PPP3CA: variants seen among roughly 807,000 people sequenced by gnomAD.
PPP3CA encodes the protein CAM-PRP catalytic subunit.
A neutral mutation model predicts 66.5 loss-of-function variants in PPP3CA; 14 were observed. That is an observed-to-expected ratio of 0.21 (90% CI 0.14 to 0.33). The LOEUF is 0.33. Ranked by LOEUF, PPP3CA falls within the 10% of genes least tolerant of loss-of-function variation. The pLI is 1.00. For missense variants in PPP3CA, 317 were observed against 639.5 expected (o/e 0.50, Z 5.44); for synonymous variants, 232 against 226.2 (o/e 1.03, Z -0.23).
chr4:101,281,390 T>G (rs534208634), intron 1 of PPP3CA, among the ~76,000 whole-genome samples: 1 of 152,238 alleles, frequency 6.6e-6, no homozygotes, highest in South Asian at 2.1e-4. Context: ...CAACAAAGAA[T>G]AGAAAATGCT....
At chr4:101,278,131 A>AT (rs1288238514) in intron 1 of PPP3CA, among the ~76,000 whole-genome samples, 2 of 144,658 alleles carry the variant, frequency 1.4e-5, no homozygotes, top group African/African-American at 5.7e-5. Context: ...GTAAAAAAAA[A>AT]AAAAAAAATA....
intron 3 of PPP3CA, among the ~76,000 whole-genome samples, chr4:101,107,888 T>A (rs1348804279): frequency 6.6e-6 from 1 of 152,224 alleles, no homozygotes; most frequent in Non-Finnish European, 1.5e-5. Context: ...ATTTTCCTTT[T>A]TAATGATCTC....
intron 6 of PPP3CA, among the ~76,000 whole-genome samples, chr4:101,089,408 G>T (rs1397968000): frequency 3.3e-5 from 5 of 152,140 alleles, no homozygotes; most frequent in African/African-American, 9.7e-5. Flanking sequence ...AGAAGAGAAG[G>T]CTGCTGATTT....
intron 1 of PPP3CA, among the ~76,000 whole-genome samples, chr4:101,335,686 A>G (rs6852282): frequency 0.11 from 16,119 of 152,082 alleles, 2,900 homozygotes; most frequent in African/African-American, 0.37. Flanking sequence ...ACCCTCCCAA[A>G]GGGTATCTCG....
At chr4:101,234,412 T>C (rs1260254275) in intron 1 of PPP3CA, among the ~76,000 whole-genome samples, 1 of 151,886 alleles carries the variant, frequency 6.6e-6, no homozygotes, top group Non-Finnish European at 1.5e-5. Context: ...TTTGACTTTT[T>C]AGTTAATAGC....
chr4:101,156,322 G>A (rs547003326), intron 2 of PPP3CA, among the ~76,000 whole-genome samples: 1 of 152,226 alleles, frequency 6.6e-6, no homozygotes, highest in South Asian at 2.1e-4. Context: ...AGAGATTAAA[G>A]AAACAGAATA....
chr4:101,176,751 A>C (rs549406935), intron 2 of PPP3CA, among the ~76,000 whole-genome samples: 1 of 152,270 alleles, frequency 6.6e-6, no homozygotes. Flanking sequence ...ATTAAATTTT[A>C]ATTACTGTGA....
chr4:101,051,413 C>T (rs1728004391), intron 10 of PPP3CA, among the ~76,000 whole-genome samples: 1 of 152,100 alleles, frequency 6.6e-6, no homozygotes. Context: ...AATAAAAGTA[C>T]AATCTTCAAG....
chr4:101,116,781 A>C (rs1721850879), intron 2 of PPP3CA, among the ~76,000 whole-genome samples: 2 of 152,030 alleles, frequency 1.3e-5, no homozygotes, highest in South Asian at 4.1e-4. Context: ...TTTCAAAATA[A>C]TATTTTCCCA....
chr4:101,082,119 C>A (rs934979848), intron 7 of PPP3CA, among the ~76,000 whole-genome samples: 1 of 152,180 alleles, frequency 6.6e-6, no homozygotes, highest in African/African-American at 2.4e-5. Context: ...CCGACTGGAA[C>A]ACAGCCAAAA....
intron 2 of PPP3CA, among the ~76,000 whole-genome samples, chr4:101,182,651 C>T (rs898479075): frequency 1.3e-5 from 2 of 152,076 alleles, no homozygotes; most frequent in Non-Finnish European, 2.9e-5. Flanking sequence ...TGGTAGGATA[C>T]ATAGGTAACA....
intron 2 of PPP3CA, among the ~76,000 whole-genome samples, chr4:101,174,555 T>A (rs1723993334): frequency 1.3e-5 from 2 of 152,222 alleles, no homozygotes; most frequent in African/African-American, 4.8e-5. Context: ...AGAATAACTT[T>A]TAGGATGACA....
intron 6 of PPP3CA, among the ~76,000 whole-genome samples, chr4:101,087,783 T>C (rs548061078): frequency 1.3e-5 from 2 of 152,288 alleles, no homozygotes; most frequent in African/African-American, 2.4e-5. Flanking sequence ...GATGCACTTA[T>C]AGAGACATTT....
chr4:101,221,525 C>A (rs902648933), intron 1 of PPP3CA, among the ~76,000 whole-genome samples: 1 of 151,448 alleles, frequency 6.6e-6, no homozygotes, highest in East Asian at 1.9e-4. Context: ...AAAACAACCA[C>A]AATTCCCAAC....
chr4:101,311,606 C>T (rs1728724110), intron 1 of PPP3CA, among the ~76,000 whole-genome samples: 1 of 152,082 alleles, frequency 6.6e-6, no homozygotes, highest in Non-Finnish European at 1.5e-5. Flanking sequence ...ACGGCGAAAA[C>T]CTGTCTCTAG....
intron 8 of PPP3CA, among the ~76,000 whole-genome samples, chr4:101,067,653 G>GA (rs1302648002): frequency 7.6e-6 from 1 of 130,818 alleles, no homozygotes; most frequent in Non-Finnish European, 1.6e-5. Flanking sequence ...GACAAGAGTA[G>GA]AAAGGCCTGT....
At chr4:101,113,099 T>G (rs984115777) in intron 2 of PPP3CA, among the ~76,000 whole-genome samples, 6 of 152,158 alleles carry the variant, frequency 3.9e-5, no homozygotes, top group Non-Finnish European at 8.8e-5. Context: ...AGATTGTGCT[T>G]ATTTTAAGCC....
intron 10 of PPP3CA, among the ~76,000 whole-genome samples, chr4:101,053,312 G>C (rs1240127392): frequency 6.6e-6 from 1 of 151,962 alleles, no homozygotes; most frequent in East Asian, 1.9e-4. Flanking sequence ...CCTAATTCTG[G>C]CCAGACTTAT....
At chr4:101,075,507 A>G (rs2110235641) in intron 8 of PPP3CA, among the ~76,000 whole-genome samples, 1 of 152,308 alleles carries the variant, frequency 6.6e-6, no homozygotes, top group East Asian at 1.9e-4. Context: ...CCATCCAACA[A>G]CTCATCTGAA....
Sources: gnomAD v4.1 joint callset for allele counts (sites outside exome capture counted in the v4.1 genomes callset) on GRCh38, gnomAD v4.1.1 for gene constraint, MANE v1.5 for transcripts, NCBI Gene and HGNC (gene_info 2026-07-23, HGNC 2026-07-21) for gene names.